Variants in SZRD1 observed in about 807,000 individuals in gnomAD.
SZRD1 encodes the protein SUZ RNA-binding domain-containing.
A neutral mutation model predicts 17.6 loss-of-function variants in SZRD1; 7 were observed. That is an observed-to-expected ratio of 0.40 (90% CI 0.23 to 0.75). SZRD1 has a LOEUF of 0.75. Ranked by LOEUF, SZRD1 falls within the 30% of genes least tolerant of loss-of-function variation. SZRD1 has a pLI of 0.38. For missense variants in SZRD1, 178 were observed against 201.8 expected (o/e 0.88, Z 0.71); for synonymous variants, 77 against 77.9 (o/e 0.99, Z 0.06).
At chr1:16,387,830 T>C in intron 1 of SZRD1, 1 of 382,414 alleles carries the variant, frequency 2.6e-6, no homozygotes, top group East Asian at 7.2e-5. Context: ...CTGTAGTACT[T>C]ACTCAGGTAA....
intron 1 of SZRD1, among the ~76,000 whole-genome samples, chr1:16,380,471 ATT>A (rs57317351): frequency 6.9e-6 from 1 of 145,512 alleles, no homozygotes. Context: ...CCTGGCTTTT[ATT>A]TTTTTTTTTG....
intron 1 of SZRD1, chr1:16,387,731 T>A: frequency 4.4e-6 from 2 of 456,238 alleles, no homozygotes; most frequent in South Asian, 3.1e-5. Context: ...GTATTTAGAG[T>A]GGAGCGAAAT....
At chr1:16,367,990 TA>T (rs1432001583) in intron 1 of SZRD1, 1 of 152,238 alleles carries the variant, frequency 6.6e-6, no homozygotes, top group Non-Finnish European at 1.5e-5. Context: ...CGGGAAGGTC[TA>T]GGAGTTCGCT....
Position 16,397,263 on chromosome 1 carries a change from C to T in SZRD1, c.*2123C>T, listed in dbSNP as rs1263899597. 1.3e-5 allele frequency: 2 copies of T among 152,252 alleles called. No individual in the cohort carries two copies. The highest frequency in any genetic ancestry group is 2.9e-5 in the Non-Finnish European group (2 of 68,052). The allele number at this position is 152,252 out of a possible 1,614,324, so 9.4% of individuals were successfully genotyped here. A position where few individuals can be genotyped will look rare whatever the true frequency, so the allele number is the denominator to read the frequency against. On this transcript the variant is annotated 3_prime_UTR_variant, in exon 4 of 4. Transcript: ENST00000401088. The surrounding 1 kb of genome is among the most constrained non-coding windows in gnomAD (Gnocchi z 5.4). The stretch of plus-strand genomic sequence containing the variant: ...CCCTCTGGCCAAAGATGGGCTTTGC[C>T]CGCTGTGTGCCTGTCACCACCCACC...
chr1:16,378,319 T>A, intron 1 of SZRD1, among the ~76,000 whole-genome samples: 1 of 146,590 alleles, frequency 6.8e-6, no homozygotes, highest in Middle Eastern at 3.3e-3. Context: ...GGAGTCTTGC[T>A]CTGTCGCCCA....
chr1:16,379,703 T>C (rs1005701937), intron 1 of SZRD1, among the ~76,000 whole-genome samples: 11 of 152,216 alleles, frequency 7.2e-5, no homozygotes, highest in African/African-American at 2.4e-4. Context: ...CCTATCTGAA[T>C]TGATTCCTCT....
chr1:16,375,114 G>T (rs918349674), intron 1 of SZRD1, among the ~76,000 whole-genome samples: 31 of 152,118 alleles, frequency 2.0e-4, no homozygotes, highest in African/African-American at 7.0e-4. Context: ...GTGACCTCGT[G>T]ATCCGCCCGC....
Position 16,391,355 on chromosome 1 carries a change from T to C in SZRD1, c.52-20T>C. ...TGAGAGAGATTTTTTCCTCTTTTTA[T>C]ATACATTTTTTTCCTCTAGGAAATA... On this transcript the variant is annotated intron_variant, in intron 1 of 3. Coordinates refer to ENST00000401088, the MANE Select transcript of SZRD1 (RefSeq NM_001114600.3). The surrounding 1 kb of genome is among the most constrained non-coding windows in gnomAD (Gnocchi z 4.3). 2 of 1,516,640 alleles carry C rather than the reference T, an allele frequency of 1.3e-6. No homozygotes were observed. The highest frequency in any genetic ancestry group is 1.8e-6 in the Non-Finnish European group (2 of 1,118,786). 93.9% of individuals were successfully genotyped at this position (1,516,640 alleles called of 1,614,324 possible). A position where few individuals can be genotyped will look rare whatever the true frequency, so the allele number is the denominator to read the frequency against.
At chr1:16,384,495 A>G (rs1387990859) in intron 1 of SZRD1, among the ~76,000 whole-genome samples, 1 of 152,088 alleles carries the variant, frequency 6.6e-6, no homozygotes, top group East Asian at 1.9e-4. Flanking sequence ...CTTTGACTGT[A>G]TTCCCAAGTG....
intron 3 of SZRD1, among the ~76,000 whole-genome samples, chr1:16,394,183 A>G (rs989053933): frequency 7.2e-5 from 11 of 152,086 alleles, no homozygotes; most frequent in Non-Finnish European, 1.5e-4. Flanking sequence ...AAATCTGCGT[A>G]CCTTCTTTCT....
intron 1 of SZRD1, among the ~76,000 whole-genome samples, chr1:16,385,007 C>G (rs1362829904): frequency 6.6e-6 from 1 of 152,210 alleles, no homozygotes; most frequent in Non-Finnish European, 1.5e-5. Flanking sequence ...TGAAAACTAA[C>G]AGAGAAAGGC....
intron 1 of SZRD1, chr1:16,390,761 C>G (rs1276637031): frequency 2.6e-5 from 4 of 152,436 alleles, no homozygotes; most frequent in African/African-American, 7.2e-5. Context: ...CTGGTGGGAT[C>G]AGAGGAGACT....
chr1:16,380,092 C>T (rs934498008), intron 1 of SZRD1, among the ~76,000 whole-genome samples: 3 of 152,070 alleles, frequency 2.0e-5, no homozygotes, highest in African/African-American at 7.2e-5. Context: ...GGACAATAAA[C>T]AGTAAGTGTT....
chr1:16,379,790 T>C (rs2083066152), intron 1 of SZRD1, among the ~76,000 whole-genome samples: 1 of 146,000 alleles, frequency 6.8e-6, no homozygotes, highest in African/African-American at 2.5e-5. Flanking sequence ...AGACGAAGTC[T>C]CGCTCTGTTG....
Position 16,395,270 on chromosome 1 carries a change from C to A in SZRD1, c.*130C>A. The stretch of plus-strand genomic sequence containing the variant: ...CGACCTGACTTACTTGCACTGTGAT[C>A]CCCCTTGCTCCGCCCACTGTGACCT... On this transcript the variant is annotated 3_prime_UTR_variant, in exon 4 of 4. Transcript: ENST00000401088. 1.4e-6 allele frequency: 1 copy of A among 721,562 alleles called. No homozygotes were observed. The highest frequency in any genetic ancestry group is 2.6e-6 in the Non-Finnish European group (1 of 391,448). The allele number at this position is 721,562 out of a possible 1,614,324, so 44.7% of individuals were successfully genotyped here.
intron 1 of SZRD1, chr1:16,387,060 G>A (rs61770604): frequency 9.4e-6 from 3 of 320,770 alleles, no homozygotes; most frequent in East Asian, 1.8e-4. Context: ...AACAGGGCTG[G>A]TGTGAGCAGA....
chr1:16,373,520 G>A (rs1334120697), intron 1 of SZRD1, among the ~76,000 whole-genome samples: 8 of 151,372 alleles, frequency 5.3e-5, no homozygotes, highest in Admixed American at 1.3e-4. Flanking sequence ...TGGAGGTTGC[G>A]GTGAGCCGAG....
At position 16,391,945 on chromosome 1, in the gene SZRD1, A is replaced by G. The variant is rs1005486549; in HGVS notation, c.101+521A>G. ...CGACAGAGGAGGGTGTTTCCAGAGTAGGTGAAAGTTGACTTCGGCTTTCTG... is the reference window on the plus strand; with the variant it reads ...CGACAGAGGAGGGTGTTTCCAGAGTGGGTGAAAGTTGACTTCGGCTTTCTG... On this transcript the variant is annotated intron_variant, in intron 2 of 3. Transcript: ENST00000401088. The surrounding 1 kb of genome is among the most constrained non-coding windows in gnomAD (Gnocchi z 4.3). Among the ~76,000 whole-genome samples the G allele has an allele frequency of 6.6e-6, 1 of 151,992 alleles. No individual in the cohort carries two copies. Among genetic ancestry groups the G allele is most frequent in the African/African-American group, 2.4e-5 (1 of 41,384 alleles).
At chr1:16,372,087 CT>C (rs1437069668) in intron 1 of SZRD1, among the ~76,000 whole-genome samples, 1 of 151,964 alleles carries the variant, frequency 6.6e-6, no homozygotes, top group African/African-American at 2.4e-5. Flanking sequence ...AGACTTTTTG[CT>C]TTTAGTTAGT....
Sources: gnomAD v4.1 joint callset for allele counts (sites outside exome capture counted in the v4.1 genomes callset) on GRCh38, gnomAD v4.1.1 for gene constraint, Gnocchi (gnomAD v3.1) non-coding constraint, MANE v1.5 for transcripts, NCBI Gene and HGNC (gene_info 2026-07-23, HGNC 2026-07-21) for gene names.